The following DOCK4 variants were observed in gnomAD, a reference collection of about 807,000 sequenced individuals.
DOCK4 encodes dedicator of cytokinesis protein 4.
A neutral mutation model predicts 268.1 loss-of-function variants in DOCK4; 97 were observed. The observed-to-expected ratio is 0.36, with a 90% CI of 0.31 to 0.43. The LOEUF is 0.43. DOCK4 is among the 20% of genes least tolerant of loss of function. The pLI, the probability that DOCK4 is intolerant of heterozygous loss-of-function variation, is 1.00. For synonymous variants in DOCK4, 954 were observed against 887.2 expected, an observed-to-expected ratio of 1.08 and a Z score of -1.34; for missense variants, 2,145 against 2,455.7, an observed-to-expected ratio of 0.87 and a Z score of 2.67.
intron 8 of DOCK4, among the ~76,000 whole-genome samples, chr7:111,957,954 G>A (rs769437080): frequency 2.0e-5 from 3 of 152,168 alleles, no homozygotes; most frequent in Non-Finnish European, 2.9e-5. Context: ...GACAGTGTTT[G>A]CAAATGATGT....
chr7:111,886,740 T>A (rs542174378), intron 16 of DOCK4, among the ~76,000 whole-genome samples: 13 of 152,016 alleles, frequency 8.6e-5, no homozygotes, highest in Non-Finnish European at 1.8e-4. Flanking sequence ...ACAGAAAAAA[T>A]GACATTCGTG....
intron 1 of DOCK4, among the ~76,000 whole-genome samples, chr7:112,074,972 G>T (rs551565924): frequency 6.6e-6 from 1 of 152,236 alleles, no homozygotes; most frequent in South Asian, 2.1e-4. Flanking sequence ...ATCCCTTAGG[G>T]TCCTCTTCCT....
rs568748214 is a variant in DOCK4 at position 111,905,103 on chromosome 7, A to G, written c.1193-3302T>C. On this transcript the variant is annotated intron_variant, in intron 13 of 52. Coordinates refer to ENST00000428084, the MANE Select transcript of DOCK4 (RefSeq NM_001363540.2). ...CAGCTTGCTTATGTTCCAATTTTGC[A>G]AGGTGCCAAGTTTTGCCAAAATATG... Among the ~76,000 whole-genome samples, 10 of 152,314 alleles carry G rather than the reference A, an allele frequency of 6.6e-5. No homozygotes were observed. The South Asian group carries it at 1.7e-3, about 25-fold the overall frequency.
chr7:111,796,347 C>T (rs1232934793), intron 30 of DOCK4, among the ~76,000 whole-genome samples: 1 of 152,218 alleles, frequency 6.6e-6, no homozygotes, highest in Non-Finnish European at 1.5e-5. Flanking sequence ...AAGGTTTCAA[C>T]AAACATAACT....
chr7:111,834,710 T>C (rs901380790), intron 25 of DOCK4, 24 bp from the exon 26 acceptor site: 9 of 1,356,396 alleles, frequency 6.6e-6, no homozygotes, highest in Non-Finnish European at 3.0e-6. Context: ...AAAAAAAGCA[T>C]ACATTTTATT....
intron 52 of DOCK4, among the ~76,000 whole-genome samples, chr7:111,731,093 G>A (rs907368197): frequency 1.3e-5 from 2 of 152,212 alleles, no homozygotes; most frequent in Non-Finnish European, 2.9e-5. Flanking sequence ...GACAGGCTAT[G>A]ACTTCCAGAG....
At chr7:111,792,048 G>A (rs1449942411) in intron 30 of DOCK4, among the ~76,000 whole-genome samples, 2 of 152,226 alleles carry the variant, frequency 1.3e-5, no homozygotes, top group Non-Finnish European at 1.5e-5. Context: ...AAAGGAAGGT[G>A]GGGAATGGTA....
At chr7:111,973,056 T>A (rs1797851215) in intron 8 of DOCK4, among the ~76,000 whole-genome samples, 1 of 151,114 alleles carries the variant, frequency 6.6e-6, no homozygotes, top group Non-Finnish European at 1.5e-5. Context: ...GGTTTTCCAT[T>A]CCTGAGTTTC....
At chr7:112,019,358 G>A (rs1802121705) in intron 1 of DOCK4, among the ~76,000 whole-genome samples, 1 of 152,108 alleles carries the variant, frequency 6.6e-6, no homozygotes, top group South Asian at 2.1e-4. Context: ...TTTTATTAAT[G>A]ACTGTAATTA....
chr7:111,783,764 T>A (rs1798958193), intron 34 of DOCK4, 93 bp downstream of exon 34: 1 of 1,134,826 alleles, frequency 8.8e-7, no homozygotes, highest in African/African-American at 1.6e-5. Context: ...ATTGAGTGAT[T>A]CACAAGAGTG....
intron 1 of DOCK4, among the ~76,000 whole-genome samples, chr7:112,096,758 T>C (rs78019390): frequency 0.017 from 2,558 of 152,212 alleles, 62 homozygotes; most frequent in African/African-American, 0.058. Flanking sequence ...AAGACCAAAA[T>C]GTAGCTGGTT....
At chr7:111,765,825 T>C (rs1797727081) in intron 38 of DOCK4, among the ~76,000 whole-genome samples, 1 of 152,234 alleles carries the variant, frequency 6.6e-6, no homozygotes, top group Non-Finnish European at 1.5e-5. Context: ...ATGTTGAAAC[T>C]ATGAAGCATA....
In DOCK4 at chr7:111,945,432, C is replaced by A. The variant is rs375433721; in HGVS notation, c.783+285G>T. Among the ~76,000 whole-genome samples the A allele has an allele frequency of 2.8e-3, 420 of 152,224 alleles. 1 individual carries two copies. Among genetic ancestry groups the A allele is most frequent in the African/African-American group, 9.9e-3 (410 of 41,536 alleles). On this transcript the variant is annotated intron_variant, in intron 9 of 52. Transcript: ENST00000428084. ...AATTCCTGACCTCAGGTGATCCACC[C>A]GCCTCGGCCTCCCAAAGTACTGGGA... is the stretch of plus-strand genomic sequence containing the variant.
At chr7:111,925,336 T>C (rs1400740081) in intron 12 of DOCK4, among the ~76,000 whole-genome samples, 1 of 152,202 alleles carries the variant, frequency 6.6e-6, no homozygotes, top group East Asian at 1.9e-4. Flanking sequence ...AAATCCTGGC[T>C]GATTAAAATG....
chr7:112,065,540 T>C (rs1252580528), intron 1 of DOCK4, among the ~76,000 whole-genome samples: 1 of 150,214 alleles, frequency 6.7e-6, no homozygotes, highest in Non-Finnish European at 1.5e-5. Flanking sequence ...ATCAGTGAAC[T>C]GGCTCTCCAA....
intron 8 of DOCK4, among the ~76,000 whole-genome samples, chr7:111,974,123 G>T (rs943803684): frequency 6.6e-6 from 1 of 152,102 alleles, no homozygotes; most frequent in African/African-American, 2.4e-5. Flanking sequence ...AGAGACAAGA[G>T]CCAAGCCCAG....
intron 12 of DOCK4, chr7:111,935,238 G>A (rs565575737): frequency 6.0e-5 from 23 of 382,848 alleles, no homozygotes; most frequent in African/African-American, 4.0e-4. Flanking sequence ...GTGAGCCACC[G>A]TGCCTGGCTG....
intron 47 of DOCK4, 110 bp from the exon 48 acceptor site, chr7:111,739,587 C>T (rs887259701): frequency 3.2e-5 from 27 of 849,298 alleles, no homozygotes; most frequent in Non-Finnish European, 4.3e-5. Context: ...ACAAAAAGTC[C>T]GTTTAACAAT....
intron 1 of DOCK4, among the ~76,000 whole-genome samples, chr7:112,118,457 C>T (rs1189417000): frequency 2.0e-5 from 3 of 151,884 alleles, no homozygotes; most frequent in Non-Finnish European, 4.4e-5. Flanking sequence ...ATATTTTGGC[C>T]TCTCAATCTA....
Sources: allele counts gnomAD v4.1 joint callset (sites outside exome capture counted in the v4.1 genomes callset), GRCh38; gene constraint gnomAD v4.1.1; transcripts MANE v1.5; gene names NCBI Gene and HGNC (gene_info 2026-07-23, HGNC 2026-07-21).